The following HHIPL1 variants were observed in gnomAD, a reference collection of about 807,000 sequenced individuals.
HHIPL1 encodes the protein HHIP-like protein 1.
In HHIPL1, 43 loss-of-function variants were observed where a neutral mutation model predicts 61.8. The observed-to-expected ratio is 0.70, with a 90% CI of 0.55 to 0.90. The LOEUF (loss-of-function observed/expected upper bound fraction) is 0.90, where lower values mean the gene tolerates loss of function less well. Ranked by LOEUF, HHIPL1 falls within the 40% of genes least tolerant of loss-of-function variation. HHIPL1 has a pLI of 0.00. For missense variants in HHIPL1, 1,056 were observed against 1,157.7 expected, an observed-to-expected ratio of 0.91 and a Z score of 1.28; for synonymous variants, 482 against 515.8, an observed-to-expected ratio of 0.93 and a Z score of 0.89.
At chr14:99,623,406 G>A in the HHIPL1 span, among the ~76,000 whole-genome samples, 12 of 152,258 alleles carry the variant, frequency 7.9e-5, no homozygotes, top group Admixed American at 2.6e-4. Context: ...CAGTTGAGAT[G>A]ACAATAGACA....
upstream of HHIPL1, among the ~76,000 whole-genome samples, chr14:99,644,883 C>T (rs1231917564): frequency 2.6e-5 from 4 of 152,208 alleles, no homozygotes; most frequent in East Asian, 1.9e-4. Context: ...CCTGCGCCTC[C>T]CTGGCTAAAG....
chr14:99,665,686 G>A (rs1010082264), intron 6 of HHIPL1, among the ~76,000 whole-genome samples: 4 of 152,142 alleles, frequency 2.6e-5, no homozygotes, highest in Non-Finnish European at 5.9e-5. Flanking sequence ...CCCCTGCCTC[G>A]GCCTCCCAAA....
At chr14:99,673,708 AC>A (rs2056351433) in intron 8 of HHIPL1, among the ~76,000 whole-genome samples, 1 of 1,942 alleles carries the variant, frequency 5.1e-4, no homozygotes, top group Non-Finnish European at 9.7e-4. Context: ...AGGGGGGTGC[AC>A]CTGGAGGGGT....
At chr14:99,619,277 A>G in the HHIPL1 span, among the ~76,000 whole-genome samples, 3 of 152,076 alleles carry the variant, frequency 2.0e-5, no homozygotes, top group Admixed American at 6.5e-5. Context: ...CCTGGCCAAC[A>G]TAGTGAAACC....
chr14:99,635,096 G>A, the HHIPL1 span, among the ~76,000 whole-genome samples: 4 of 152,134 alleles, frequency 2.6e-5, no homozygotes, highest in Admixed American at 6.5e-5. Context: ...TTTGGGGTGG[G>A]GGCAGGGGAG....
At chr14:99,635,624 A>G in the HHIPL1 span, among the ~76,000 whole-genome samples, 1 of 151,910 alleles carries the variant, frequency 6.6e-6, no homozygotes, top group Non-Finnish European at 1.5e-5. Flanking sequence ...ACCCTCCCCA[A>G]TCTTCCCTGC....
At chr14:99,637,065 AG>A in the HHIPL1 span, among the ~76,000 whole-genome samples, 4 of 117,646 alleles carry the variant, frequency 3.4e-5, no homozygotes, top group Admixed American at 9.8e-5. Flanking sequence ...GAAGGAAAAA[AG>A]AAAGAAAGAG....
chr14:99,643,237 A>C (rs540593553), upstream of HHIPL1, among the ~76,000 whole-genome samples: 5 of 151,748 alleles, frequency 3.3e-5, no homozygotes, highest in Non-Finnish European at 7.4e-5. Flanking sequence ...ACGAGATTTC[A>C]CCATGTTGAC....
intron 1 of HHIPL1, among the ~76,000 whole-genome samples, chr14:99,651,965 C>T (rs759562002): frequency 7.2e-5 from 11 of 152,084 alleles, no homozygotes; most frequent in South Asian, 2.1e-4. Flanking sequence ...TCCTGGCATA[C>T]GGCAGGTGCT....
chr14:99,674,404 G>A (rs970327708), intron 8 of HHIPL1, among the ~76,000 whole-genome samples: 11 of 152,184 alleles, frequency 7.2e-5, no homozygotes, highest in Non-Finnish European at 1.0e-4. Context: ...CCCTAGCACC[G>A]ACTGCACCCA....
chr14:99,630,568 G>A, the HHIPL1 span, among the ~76,000 whole-genome samples: 7 of 152,342 alleles, frequency 4.6e-5, no homozygotes, highest in African/African-American at 4.8e-5. Context: ...CAAGTGGGAC[G>A]ATGGTGATAG....
the HHIPL1 span, among the ~76,000 whole-genome samples, chr14:99,608,990 G>A: frequency 1.3e-5 from 2 of 152,162 alleles, no homozygotes; most frequent in Admixed American, 6.5e-5. Flanking sequence ...GATGCTCTGC[G>A]ATGTCTCTTC....
intron 2 of HHIPL1, among the ~76,000 whole-genome samples, chr14:99,653,222 T>C (rs779052914): frequency 6.6e-6 from 1 of 152,182 alleles, no homozygotes; most frequent in East Asian, 1.9e-4. Flanking sequence ...AAAGGTGAAG[T>C]GTTGGGTCAC....
chr14:99,671,552 A>G (rs894771393), intron 7 of HHIPL1, among the ~76,000 whole-genome samples: 2 of 152,032 alleles, frequency 1.3e-5, no homozygotes, highest in African/African-American at 2.4e-5. Context: ...CTGGAATCCT[A>G]TTGAAGTCGT....
upstream of HHIPL1, among the ~76,000 whole-genome samples, chr14:99,642,318 A>G (rs1233914167): frequency 2.0e-5 from 3 of 151,702 alleles, no homozygotes; most frequent in African/African-American, 4.8e-5. Flanking sequence ...AGTTATCTGT[A>G]TTTACATCTT....
At chr14:99,630,942 C>T in the HHIPL1 span, among the ~76,000 whole-genome samples, 1 of 152,182 alleles carries the variant, frequency 6.6e-6, no homozygotes, top group Non-Finnish European at 1.5e-5. Context: ...TCCCTGCACG[C>T]ATGTCCTCTG....
chr14:99,652,429 C>T lies in HHIPL1; in HGVS notation c.461C>T (p.Thr154Met), dbSNP rs549263452. 81 of 1,614,058 alleles carry T rather than the reference C, an allele frequency of 5.0e-5. No individual in the cohort carries two copies. Among genetic ancestry groups the T allele is most frequent in the Admixed American group, 8.3e-5 (5 of 60,012 alleles). Reference sequence around the variant, plus strand: ...TGCCGCTACCTGTCCCTGGATGACACGGACTACTGCTTCCCTTACCTGCTG... The same window carrying T: ...TGCCGCTACCTGTCCCTGGATGACATGGACTACTGCTTCCCTTACCTGCTG... Reference protein sequence around the residue: ...RFCRYLSLDDTDYCFPYLLVN... With the variant: ...RFCRYLSLDDMDYCFPYLLVN... The change falls in exon 2 of 9, where the codon ACG (threonine) becomes ATG (methionine). Residue 154 changes from threonine to methionine, a missense_variant. Physicochemically the swap from Thr to Met is moderately conservative, Grantham distance 81. Transcript: ENST00000330710.
intron 1 of HHIPL1, among the ~76,000 whole-genome samples, chr14:99,648,608 T>A (rs1353969382): frequency 6.6e-6 from 1 of 152,204 alleles, no homozygotes; most frequent in African/African-American, 2.4e-5. Flanking sequence ...TGTAGAGAAC[T>A]CACCCTGTAA....
chr14:99,611,315 A>T, the HHIPL1 span, among the ~76,000 whole-genome samples: 2 of 138,332 alleles, frequency 1.4e-5, no homozygotes, highest in Admixed American at 7.2e-5. Flanking sequence ...TTTTTTTGAG[A>T]TGGAGTCTCA....
Sources: allele counts gnomAD v4.1 joint callset (sites outside exome capture counted in the v4.1 genomes callset), GRCh38; gene constraint gnomAD v4.1.1; transcripts MANE v1.5; gene names NCBI Gene and HGNC (gene_info 2026-07-23, HGNC 2026-07-21).